SCAPER: variants seen among roughly 807,000 people sequenced by gnomAD.
SCAPER encodes S phase cyclin A-associated protein in the endoplasmic reticulum.
SCAPER carries 98 observed loss-of-function variants against 182.2 expected under a neutral mutation model. The observed-to-expected ratio is 0.54, with a 90% confidence interval of 0.46 to 0.64. SCAPER has a LOEUF of 0.64. SCAPER is among the 30% of genes least tolerant of loss of function. The pLI is 0.00. For synonymous variants in SCAPER, 605 were observed against 564.6 expected (o/e 1.07, Z -1.01); for missense variants, 1,432 against 1,690.0 (o/e 0.85, Z 2.68).
chr15:76,454,799 T>C (rs2048609082), intron 25 of SCAPER, among the ~76,000 whole-genome samples: 1 of 152,128 alleles, frequency 6.6e-6, no homozygotes, highest in East Asian at 1.9e-4. Flanking sequence ...AATGATCTTG[T>C]TCCTGGAACG....
At chr15:76,720,018 T>G (rs923726891) in intron 17 of SCAPER, among the ~76,000 whole-genome samples, 11 of 151,988 alleles carry the variant, frequency 7.2e-5, no homozygotes, top group Non-Finnish European at 1.2e-4. Context: ...CATGTTGGTG[T>G]GCTGCACCCA....
At chr15:76,388,973 TAC>T (rs757943590) in intron 27 of SCAPER, among the ~76,000 whole-genome samples, 1 of 151,438 alleles carries the variant, frequency 6.6e-6, no homozygotes, top group Non-Finnish European at 1.5e-5. Flanking sequence ...AAAAAAAAAT[TAC>T]AGTCAGTCTC....
Position 76,685,964 on chromosome 15 carries a change from T to G in SCAPER, c.2508+15794A>C, listed in dbSNP as rs538889740. ...AGATTTAAATGTCAAAAACAAAACTTCAAAACACTTAATGGAAAATGCAGG... is the reference window on the plus strand; with the variant it reads ...AGATTTAAATGTCAAAAACAAAACTGCAAAACACTTAATGGAAAATGCAGG... On this transcript the variant is annotated intron_variant, in intron 20 of 31. Coordinates refer to ENST00000563290, the MANE Select transcript of SCAPER (RefSeq NM_020843.4). Among the ~76,000 whole-genome samples the G allele has an allele frequency of 9.2e-5, 14 of 152,044 alleles. 2 individuals are homozygous for G. In the South Asian group the frequency reaches 2.5e-3, roughly 27 times the overall value.
intron 24 of SCAPER, among the ~76,000 whole-genome samples, chr15:76,485,530 AC>A (rs1567241246): frequency 6.6e-6 from 1 of 152,192 alleles, no homozygotes; most frequent in African/African-American, 2.4e-5. Context: ...ACTACAAAAA[AC>A]AATTTTAAAA....
intron 26 of SCAPER, among the ~76,000 whole-genome samples, chr15:76,410,469 C>G (rs941424760): frequency 1.3e-5 from 2 of 152,142 alleles, no homozygotes; most frequent in Non-Finnish European, 2.9e-5. Flanking sequence ...CTTAATGGGC[C>G]AGGGCTAGCT....
intron 26 of SCAPER, among the ~76,000 whole-genome samples, chr15:76,422,962 G>T (rs1287977788): frequency 1.2e-4 from 19 of 152,278 alleles, no homozygotes; most frequent in Middle Eastern, 3.4e-3. Context: ...GCATCCCAGG[G>T]ATGAAGCCCA....
At chr15:76,704,903 C>T (rs970865931) in intron 18 of SCAPER, among the ~76,000 whole-genome samples, 2 of 152,096 alleles carry the variant, frequency 1.3e-5, no homozygotes, top group African/African-American at 2.4e-5. Flanking sequence ...ACAACAGGTG[C>T]TGGAGAGGAT....
chr15:76,624,839 G>A (rs2052420740), intron 21 of SCAPER, among the ~76,000 whole-genome samples: 1 of 152,170 alleles, frequency 6.6e-6, no homozygotes, highest in Non-Finnish European at 1.5e-5. Context: ...CTGGTGACAG[G>A]GGTTGCAACA....
intron 23 of SCAPER, among the ~76,000 whole-genome samples, chr15:76,507,488 A>G (rs2041683033): frequency 6.6e-6 from 1 of 152,074 alleles, no homozygotes; most frequent in East Asian, 1.9e-4. Flanking sequence ...ATAGCATTCC[A>G]CAGCCTTGAA....
intron 2 of SCAPER, among the ~76,000 whole-genome samples, chr15:76,878,086 T>A (rs1477243940): frequency 6.6e-6 from 1 of 152,222 alleles, no homozygotes; most frequent in Non-Finnish European, 1.5e-5. Context: ...TATGGATGTA[T>A]GTATATTTAC....
intron 25 of SCAPER, among the ~76,000 whole-genome samples, chr15:76,463,650 G>A (rs2049361285): frequency 6.6e-6 from 1 of 152,016 alleles, no homozygotes. Flanking sequence ...AATATTTAAT[G>A]CCTTTTAAAA....
chr15:76,579,846 G>C (rs916481235), intron 22 of SCAPER, among the ~76,000 whole-genome samples: 1 of 151,954 alleles, frequency 6.6e-6, no homozygotes, highest in Non-Finnish European at 1.5e-5. Flanking sequence ...CATGAAAATG[G>C]AAACCAAACA....
chr15:76,681,433 G>A (rs2057696690), intron 20 of SCAPER, among the ~76,000 whole-genome samples: 1 of 152,094 alleles, frequency 6.6e-6, no homozygotes. Context: ...AGACCAAAGG[G>A]GATACAAAAC....
At chr15:76,783,095 T>G (rs1444708364) in intron 8 of SCAPER, among the ~76,000 whole-genome samples, 2 of 151,862 alleles carry the variant, frequency 1.3e-5, no homozygotes, top group Non-Finnish European at 2.9e-5. Context: ...ATCCAAGAGG[T>G]GTTTTTTTTG....
At chr15:76,605,400 T>C (rs2050297462) in intron 22 of SCAPER, among the ~76,000 whole-genome samples, 1 of 152,190 alleles carries the variant, frequency 6.6e-6, no homozygotes, top group Non-Finnish European at 1.5e-5. Context: ...ATAAGCTTTT[T>C]GATGTGCTGC....
intron 5 of SCAPER, among the ~76,000 whole-genome samples, chr15:76,836,258 A>G (rs1356651165): frequency 6.6e-6 from 1 of 152,158 alleles, no homozygotes; most frequent in Non-Finnish European, 1.5e-5. Context: ...GAGCCCCAAT[A>G]GCCAAAGCAA....
At chr15:76,425,647 C>T (rs774950051) in intron 26 of SCAPER, among the ~76,000 whole-genome samples, 5 of 152,138 alleles carry the variant, frequency 3.3e-5, no homozygotes, top group Admixed American at 1.3e-4. Flanking sequence ...AGCTTTTTTC[C>T]GTTGCTGATG....
intron 5 of SCAPER, among the ~76,000 whole-genome samples, chr15:76,837,252 G>A (rs62029194): frequency 0.067 from 10,185 of 152,148 alleles, 380 homozygotes; most frequent in Middle Eastern, 0.11. Context: ...CTCAAACAAA[G>A]ACATAACACA....
intron 13 of SCAPER, 131 bp from the exon 14 acceptor site, chr15:76,765,203 G>A: frequency 9.7e-7 from 1 of 1,026,854 alleles, no homozygotes; most frequent in South Asian, 1.7e-5. Context: ...GGAAAGCTTT[G>A]TTACTTTTCA....
Sources: allele counts gnomAD v4.1 joint callset (sites outside exome capture counted in the v4.1 genomes callset), GRCh38; gene constraint gnomAD v4.1.1; transcripts MANE v1.5; gene names NCBI Gene and HGNC (gene_info 2026-07-23, HGNC 2026-07-21).